Variants in PSMB7 observed in about 807,000 individuals in gnomAD.
PSMB7 encodes the protein proteasome 20S subunit beta 7.
PSMB7 carries 5 observed loss-of-function variants against 28.1 expected under a neutral mutation model. The ratio of observed to expected loss-of-function variants is 0.18; its 90% CI spans 0.09 to 0.37. PSMB7 has a LOEUF of 0.37. Ranked by LOEUF, PSMB7 falls within the 10% of genes least tolerant of loss-of-function variation. The pLI, the probability that PSMB7 is intolerant of heterozygous loss-of-function variation, is 1.00. For missense variants in PSMB7, 275 were observed against 346.2 expected (o/e 0.79, Z 1.63); for synonymous variants, 122 against 123.7 (o/e 0.99, Z 0.09).
chr9:124,365,539 C>A (rs1413730429), intron 6 of PSMB7, among the ~76,000 whole-genome samples: 1 of 152,174 alleles, frequency 6.6e-6, no homozygotes, highest in Non-Finnish European at 1.5e-5. Flanking sequence ...ACAAAAATTT[C>A]TACCTGGAAA....
intron 4 of PSMB7, among the ~76,000 whole-genome samples, chr9:124,408,261 G>T (rs1185601266): frequency 6.6e-6 from 1 of 152,150 alleles, no homozygotes; most frequent in Non-Finnish European, 1.5e-5. Context: ...TTTGTCAAGG[G>T]AGAGCTTTGA....
At chr9:124,368,929 G>A (rs370841678) in intron 6 of PSMB7, among the ~76,000 whole-genome samples, 4 of 152,114 alleles carry the variant, frequency 2.6e-5, no homozygotes, top group African/African-American at 7.2e-5. Flanking sequence ...CAGAGCCCAC[G>A]TGTGCACACT....
intron 7 of PSMB7, among the ~76,000 whole-genome samples, chr9:124,354,066 C>G (rs925411373): frequency 6.6e-6 from 1 of 152,130 alleles, no homozygotes; most frequent in African/African-American, 2.4e-5. Context: ...GAAGCAAATC[C>G]CATCATTACA....
chr9:124,415,002 G>A lies in PSMB7; in HGVS notation c.63-67C>T, dbSNP rs1831072020. The A allele has an allele frequency of 2.7e-5, 29 of 1,079,476 alleles. No individual in the cohort carries two copies. In the South Asian group the frequency reaches 4.0e-4, roughly 15 times the overall value. 66.9% of individuals were successfully genotyped at this position (1,079,476 alleles called of 1,614,324 possible). A position where few individuals can be genotyped will look rare whatever the true frequency, so the allele number is the denominator to read the frequency against. The stretch of plus-strand genomic sequence containing the variant: ...ACATCGCACAGCACTGGCATGAAAA[G>A]TGCCTAACAGAGAACTCAGGAAAGC... On this transcript the variant is annotated intron_variant, in intron 1 of 7. Transcript: ENST00000259457.
At chr9:124,359,270 T>G (rs907997353) in intron 6 of PSMB7, among the ~76,000 whole-genome samples, 1 of 152,224 alleles carries the variant, frequency 6.6e-6, no homozygotes, top group Non-Finnish European at 1.5e-5. Flanking sequence ...TCTCACTTTT[T>G]TCCCCCCAGT....
chr9:124,369,884 C>T (rs1251297450), intron 6 of PSMB7, among the ~76,000 whole-genome samples: 2 of 152,222 alleles, frequency 1.3e-5, no homozygotes, highest in African/African-American at 4.8e-5. Flanking sequence ...CCGCCGTACC[C>T]CTACTGCCCA....
intron 6 of PSMB7, among the ~76,000 whole-genome samples, chr9:124,360,589 TACCAAAAAATGGCCCTCCAGGCCA>T (rs1406837380): frequency 6.6e-6 from 1 of 152,212 alleles, no homozygotes; most frequent in African/African-American, 2.4e-5. Context: ...TTACCCTCGT[TACCAAAAAATGGCCCTCCAGGCCA>T]ACAGCAGCTT....
chr9:124,378,534 A>G (rs182489019), intron 6 of PSMB7, among the ~76,000 whole-genome samples: 92 of 152,314 alleles, frequency 6.0e-4, no homozygotes, highest in African/African-American at 2.1e-3. Flanking sequence ...GGTCCTGCGC[A>G]CACCACTACC....
At chr9:124,368,783 A>G (rs10818951) in intron 6 of PSMB7, among the ~76,000 whole-genome samples, 50,947 of 152,110 alleles carry the variant, frequency 0.33, 9,044 homozygotes, top group Non-Finnish European at 0.4. Flanking sequence ...TAAGCATTTT[A>G]CAAACACTGT....
At chr9:124,378,978 C>T (rs966300694) in intron 6 of PSMB7, among the ~76,000 whole-genome samples, 3 of 152,150 alleles carry the variant, frequency 2.0e-5, no homozygotes, top group Non-Finnish European at 2.9e-5. Flanking sequence ...AATTCTTATA[C>T]CAGCCTTAAC....
In PSMB7 at chr9:124,412,347, C is replaced by A. The variant is rs368058624; in HGVS notation, c.395+5G>T. ...CTAGTAGGAATCCCCATTCTGGAAA[C>A]TTACCTGAAAAGCATCTGCTTCAGC... On this transcript the variant is annotated splice_donor_5th_base_variant and intron_variant, in intron 4 of 7. Transcript: ENST00000259457. 1 of 1,613,408 alleles carries A rather than the reference C, an allele frequency of 6.2e-7. No homozygotes were observed. Among genetic ancestry groups the A allele is most frequent in the African/African-American group, 1.3e-5 (1 of 74,896 alleles).
intron 6 of PSMB7, among the ~76,000 whole-genome samples, chr9:124,381,608 A>G (rs1408466700): frequency 6.6e-6 from 1 of 152,236 alleles, no homozygotes; most frequent in Non-Finnish European, 1.5e-5. Flanking sequence ...TGACACAGAA[A>G]GAAAGTCTCC....
At chr9:124,388,662 C>T (rs1830751766) in intron 5 of PSMB7, among the ~76,000 whole-genome samples, 1 of 152,184 alleles carries the variant, frequency 6.6e-6, no homozygotes, top group South Asian at 2.1e-4. Flanking sequence ...GCAAGACCTT[C>T]CATGACCAGG....
chr9:124,405,211 A>T (rs1228633852), intron 5 of PSMB7, 106 bp downstream of exon 5: 2 of 726,350 alleles, frequency 2.8e-6, no homozygotes, highest in African/African-American at 3.5e-5. Context: ...AATGAATCAA[A>T]GCATTGTATT....
In PSMB7 at chr9:124,371,434, C is replaced by T. The variant is rs184715607; in HGVS notation, c.570+13164G>A. Among the ~76,000 whole-genome samples, 95 of 152,314 alleles carry T rather than the reference C, an allele frequency of 6.2e-4. 1 individual carries two copies. The highest frequency in any genetic ancestry group is 2.2e-3 in the African/African-American group (92 of 41,564). ...GAGCCTCACTTTTGATGGTGAAATT[C>T]GTGCTGGTTTCCTCCTCTCCCCCTG... On this transcript the variant is annotated intron_variant, in intron 6 of 7. Coordinates refer to ENST00000259457, the MANE Select transcript of PSMB7 (RefSeq NM_002799.4).
Position 124,384,538 on chromosome 9 carries a change from T to C in PSMB7, c.570+60A>G, listed in dbSNP as rs1830700021. On this transcript the variant is annotated intron_variant, in intron 6 of 7. Transcript: ENST00000259457. Reference sequence around the variant, plus strand: ...GAGGAATCAGCAATCAATTTGTAAATGTTCAAGATAAAACCAGAAAAATCT... The same window carrying C: ...GAGGAATCAGCAATCAATTTGTAAACGTTCAAGATAAAACCAGAAAAATCT... The C allele has an allele frequency of 2.0e-6, 3 of 1,470,880 alleles. No homozygotes were observed. The East Asian group carries it at 6.9e-5, about 34-fold the overall frequency. 91.1% of individuals were successfully genotyped at this position (1,470,880 alleles called of 1,614,324 possible). A position where few individuals can be genotyped will look rare whatever the true frequency, so the allele number is the denominator to read the frequency against.
In PSMB7 at chr9:124,384,706, T is replaced by A. The variant is rs577618676; in HGVS notation, c.512-50A>T. The A allele has an allele frequency of 8.2e-6, 13 of 1,582,444 alleles. No homozygotes were observed. The Admixed American group carries it at 2.2e-4, about 27-fold the overall frequency. ...GTGTATTTTATGATATCCCAGCTTA[T>A]CCATCTCAAGTTTACCTAGGGGCAA... is the stretch of plus-strand genomic sequence containing the variant. On this transcript the variant is annotated intron_variant, in intron 5 of 7. Transcript: ENST00000259457.
At chr9:124,390,021 TCA>T (rs1182127451) in intron 5 of PSMB7, among the ~76,000 whole-genome samples, 2 of 152,096 alleles carry the variant, frequency 1.3e-5, no homozygotes, top group African/African-American at 4.8e-5. Context: ...TAAAAAGAGC[TCA>T]CAGATAACTA....
chr9:124,414,583 T>C (rs1384607864), intron 2 of PSMB7, among the ~76,000 whole-genome samples: 1 of 143,482 alleles, frequency 7.0e-6, no homozygotes, highest in Non-Finnish European at 1.5e-5. Context: ...CTTCCTAAAC[T>C]AGTAATTAAG....
Sources: allele counts gnomAD v4.1 joint callset (sites outside exome capture counted in the v4.1 genomes callset), GRCh38; gene constraint gnomAD v4.1.1; transcripts MANE v1.5; gene names NCBI Gene and HGNC (gene_info 2026-07-23, HGNC 2026-07-21).